The following MMEL1 variants were observed in gnomAD, a reference collection of about 807,000 sequenced individuals.
MMEL1 encodes membrane metalloendopeptidase like 1, also known as membrane metallo-endopeptidase-like 1.
Under a neutral mutation model 117.1 loss-of-function variants are expected in MMEL1, and 98 were observed. The ratio of observed to expected loss-of-function variants is 0.84; its 90% CI spans 0.71 to 0.99. MMEL1 has a LOEUF of 0.99. Ranked by LOEUF, MMEL1 falls within the 50% of genes least tolerant of loss-of-function variation. The pLI, the probability that MMEL1 is intolerant of heterozygous loss-of-function variation, is 0.00. For synonymous variants in MMEL1, 390 were observed against 415.1 expected, an observed-to-expected ratio of 0.94 and a Z score of 0.74; for missense variants, 1,014 against 1,049.1, an observed-to-expected ratio of 0.97 and a Z score of 0.46.
chr1:2,626,340 C>T (rs542757795), intron 2 of MMEL1, among the ~76,000 whole-genome samples: 6 of 152,130 alleles, frequency 3.9e-5, no homozygotes, highest in Non-Finnish European at 7.4e-5. Flanking sequence ...CTAAACTGTA[C>T]GATAAAGAGA....
In MMEL1 at chr1:2,606,252, A is replaced by C; in HGVS notation, c.746T>G (p.Ile249Ser). 1 of 1,613,124 alleles carries C rather than the reference A, an allele frequency of 6.2e-7. No individual in the cohort carries two copies. The highest frequency in any genetic ancestry group is 1.3e-5 in the African/African-American group (1 of 75,042). ...NDDQNSSRHI[I>S]YIDQPTLGMP... is the part of the protein sequence containing the mutation. ...GCCCACCGGCGCGGCTCGTACGTAG[A>C]TGATGTGCCGGCTGGAGTTCTGGTC... Residue 249 changes from isoleucine (I) to serine (S), a missense_variant, in exon 8 of 24, where the codon ATC (isoleucine) becomes AGC (serine). Transcript: ENST00000378412.
intron 1 of MMEL1, 40 bp from the exon 2 acceptor site, chr1:2,629,561 A>C (rs891008061): frequency 1.5e-6 from 2 of 1,348,260 alleles, no homozygotes; most frequent in African/African-American, 3.1e-5. Flanking sequence ...AGGGGCGTGG[A>C]GCTCCCCGAG....
In MMEL1 at chr1:2,595,978, G is replaced by A. The variant is rs780083250; in HGVS notation, c.1500+31C>T. The A allele has an allele frequency of 1.9e-6, 3 of 1,583,758 alleles. No individual in the cohort carries two copies. Among genetic ancestry groups the A allele is most frequent in the South Asian group, 1.1e-5 (1 of 90,426 alleles). ...GTGCTGCCCGTGCCCAGATCCAGTC[G>A]GGGCTGCCCTGACCTCTGCGAGCCA... is the stretch of plus-strand genomic sequence containing the variant. On this transcript the variant is annotated intron_variant, in intron 15 of 23. Transcript: ENST00000378412. The surrounding 1 kb of genome is among the most constrained non-coding windows in gnomAD (Gnocchi z 4.8).
chr1:2,608,748 T>C (rs944971658), intron 6 of MMEL1, among the ~76,000 whole-genome samples: 1 of 151,966 alleles, frequency 6.6e-6, no homozygotes, highest in South Asian at 2.1e-4. Flanking sequence ...GACATGCACG[T>C]AACACACATG....
intron 9 of MMEL1, 71 bp downstream of exon 9, chr1:2,605,487 A>ACGGGAAGG: frequency 7.3e-7 from 1 of 1,366,382 alleles, no homozygotes; most frequent in Non-Finnish European, 1.0e-6. Context: ...CAGGTGGGCA[A>ACGGGAAGG]CGGGAAGGCC....
At chr1:2,593,957 A>G in intron 18 of MMEL1, 24 bp from the exon 19 acceptor site, 1 of 1,577,260 alleles carries the variant, frequency 6.3e-7, no homozygotes, top group Non-Finnish European at 8.6e-7. Flanking sequence ...CGGGACAAAG[A>G]ATAAGCTGTG....
At chr1:2,631,543 G>A (rs1351701811) in intron 1 of MMEL1, among the ~76,000 whole-genome samples, 1 of 152,062 alleles carries the variant, frequency 6.6e-6, no homozygotes, top group African/African-American at 2.4e-5. Context: ...CTGACCTCTG[G>A]CTGTGTGAGG....
chr1:2,631,085 C>CTG (rs138800606), intron 1 of MMEL1, among the ~76,000 whole-genome samples: 1 of 152,158 alleles, frequency 6.6e-6, no homozygotes, highest in African/African-American at 2.4e-5. Flanking sequence ...CTGTGCATGT[C>CTG]TGTGTGTGTG....
At chr1:2,598,068 C>T (rs1398334230) in intron 13 of MMEL1, 139 bp downstream of exon 13, 1 of 749,328 alleles carries the variant, frequency 1.3e-6, no homozygotes, top group East Asian at 2.6e-5. Context: ...CCACTCCCCA[C>T]TGGGGTGGGC....
intron 8 of MMEL1, 24 bp downstream of exon 8, chr1:2,606,224 C>T (rs1213094784): frequency 1.3e-6 from 2 of 1,595,266 alleles, no homozygotes; most frequent in Non-Finnish European, 1.7e-6. Flanking sequence ...CCTGCCTACC[C>T]CTGCCCACCG....
intron 5 of MMEL1, 38 bp downstream of exon 5, chr1:2,609,632 G>A (rs770859205): frequency 4.4e-6 from 7 of 1,584,832 alleles, no homozygotes; most frequent in South Asian, 2.3e-5. Flanking sequence ...TGTCCTGTTC[G>A]GCGTCACCCC....
At chr1:2,599,027 C>A (rs1644891218) in intron 11 of MMEL1, among the ~76,000 whole-genome samples, 1 of 152,134 alleles carries the variant, frequency 6.6e-6, no homozygotes, top group Non-Finnish European at 1.5e-5. Context: ...CCTAGAAAAA[C>A]ACAACTTAGC....
At chr1:2,603,190 GGGACATACT>G (rs1644962228) in intron 11 of MMEL1, among the ~76,000 whole-genome samples, 1 of 152,224 alleles carries the variant, frequency 6.6e-6, no homozygotes, top group Non-Finnish European at 1.5e-5. Flanking sequence ...CAGACACTCA[GGGACATACT>G]CTGGTTGAGG....
At chr1:2,606,916 G>T (rs1405584405) in intron 7 of MMEL1, 58 bp downstream of exon 7, 11 of 1,496,498 alleles carry the variant, frequency 7.4e-6, no homozygotes, top group Non-Finnish European at 1.0e-5. Context: ...GACCGAAGGA[G>T]CCCTGGTCCT....
Position 2,594,916 on chromosome 1 carries a change from G to A in MMEL1, c.1585-23C>T, listed in dbSNP as rs377330943. The A allele has an allele frequency of 8.8e-6, 14 of 1,593,194 alleles. No homozygotes were observed. In the African/African-American group the frequency reaches 1.9e-4, roughly 21 times the overall value. On this transcript the variant is annotated intron_variant, in intron 16 of 23. Coordinates refer to ENST00000378412, the MANE Select transcript of MMEL1 (RefSeq NM_033467.4). ...CAGCTACGGGAGAGGGGCAGTCACT[G>A]CCAGATGCTGGGGCCGGGCCCTCAG...
At chr1:2,628,877 A>G (rs921928570) in intron 2 of MMEL1, among the ~76,000 whole-genome samples, 1 of 149,214 alleles carries the variant, frequency 6.7e-6, no homozygotes, top group Non-Finnish European at 1.5e-5. Context: ...TCTCCGCAGG[A>G]TGGCAGCGGG....
chr1:2,631,559 G>A (rs1351380217), intron 1 of MMEL1, among the ~76,000 whole-genome samples: 1 of 152,048 alleles, frequency 6.6e-6, no homozygotes, highest in Non-Finnish European at 1.5e-5. Flanking sequence ...TGAGGAGCGG[G>A]GACGGGGACC....
At chr1:2,632,214 G>A (rs1638625707) in intron 1 of MMEL1, among the ~76,000 whole-genome samples, 1 of 151,600 alleles carries the variant, frequency 6.6e-6, no homozygotes, top group Non-Finnish European at 1.5e-5. Context: ...CCTGCTCTGT[G>A]TCTCTCCAGG....
chr1:2,630,817 C>T (rs1224437011), intron 1 of MMEL1, among the ~76,000 whole-genome samples: 1 of 147,260 alleles, frequency 6.8e-6, no homozygotes, highest in East Asian at 2.0e-4. Context: ...CTCGTGTGTG[C>T]GTGTGCATGA....
Sources: allele counts gnomAD v4.1 joint callset (sites outside exome capture counted in the v4.1 genomes callset), GRCh38; gene constraint gnomAD v4.1.1; non-coding constraint Gnocchi (gnomAD v3.1); transcripts MANE v1.5; gene names NCBI Gene and HGNC (gene_info 2026-07-23, HGNC 2026-07-21).